Variants in CECR2 observed in about 807,000 individuals in gnomAD.
CECR2 encodes the protein chromatin remodeling regulator CECR2.
Under a neutral mutation model 154.5 loss-of-function variants are expected in CECR2, and 30 were observed. The observed-to-expected ratio is 0.19, with a 90% CI of 0.15 to 0.26. CECR2 has a LOEUF of 0.26. Among genes scored for constraint, CECR2 ranks in the 10% least tolerant of loss-of-function variants. CECR2 has a pLI of 1.00. For synonymous variants in CECR2, 725 were observed against 683.7 expected, an observed-to-expected ratio of 1.06 and a Z score of -0.94; for missense variants, 1,743 against 1,829.3, an observed-to-expected ratio of 0.95 and a Z score of 0.86.
In CECR2 at chr22:17,509,205, C is replaced by T. The variant is rs151194592; in HGVS notation, c.871-2608C>T. Among the ~76,000 whole-genome samples, 463 of 151,926 alleles carry T rather than the reference C, an allele frequency of 3.0e-3. 1 individual carries two copies. Among genetic ancestry groups the T allele is most frequent in the African/African-American group, 0.011 (445 of 41,432 alleles). The stretch of plus-strand genomic sequence containing the variant: ...GGCAGAGGTTGCAGTGAGATGAGAT[C>T]GCACCACTGCACTCCAGCCTGGGCG... On this transcript the variant is annotated intron_variant, in intron 7 of 18. Transcript: ENST00000262608.
At chr22:17,524,331 G>C (rs1176906134) in intron 9 of CECR2, 60 bp downstream of exon 9, 1 of 1,563,866 alleles carries the variant, frequency 6.4e-7, no homozygotes, top group Non-Finnish European at 8.7e-7. Context: ...CCGTCCTGTA[G>C]CCAGAGCCAA....
At chr22:17,498,252 G>A (rs773299976) in intron 3 of CECR2, among the ~76,000 whole-genome samples, 33 of 152,220 alleles carry the variant, frequency 2.2e-4, no homozygotes, top group Admixed American at 1.7e-3. Context: ...TTAGCCGGGC[G>A]TGGTGGCAGG....
intron 2 of CECR2, among the ~76,000 whole-genome samples, chr22:17,496,455 G>A (rs776426572): frequency 6.6e-6 from 1 of 151,100 alleles, no homozygotes; most frequent in Non-Finnish European, 1.5e-5. Flanking sequence ...AGCTGACATC[G>A]AGCCACTGCA....
At chr22:17,398,549 G>A (rs78905396) in intron 1 of CECR2, among the ~76,000 whole-genome samples, 3 of 152,222 alleles carry the variant, frequency 2.0e-5, no homozygotes, top group African/African-American at 4.8e-5. Flanking sequence ...GAAGAATGCA[G>A]ATTCTGGAGC....
intron 17 of CECR2, among the ~76,000 whole-genome samples, chr22:17,549,792 T>TG (rs917123670): frequency 2.7e-5 from 4 of 147,306 alleles, no homozygotes; most frequent in Admixed American, 1.4e-4. Context: ...TGGTTTTTTT[T>TG]TTTTTTTTTT....
intron 1 of CECR2, among the ~76,000 whole-genome samples, chr22:17,381,092 C>A (rs943250033): frequency 1.5e-5 from 1 of 64,802 alleles, no homozygotes; most frequent in Non-Finnish European, 2.8e-5. Flanking sequence ...CATTGTTGTA[C>A]ACGGGGGTGG....
intron 2 of CECR2, among the ~76,000 whole-genome samples, chr22:17,493,309 C>G (rs1289464645): frequency 6.6e-6 from 1 of 152,142 alleles, no homozygotes; most frequent in Admixed American, 6.6e-5. Context: ...AAAGTACATG[C>G]AAAATTGTGT....
At chr22:17,539,383 CTT>C (rs1450895043) in intron 13 of CECR2, among the ~76,000 whole-genome samples, 38 of 152,184 alleles carry the variant, frequency 2.5e-4, no homozygotes, top group Admixed American at 2.5e-3. Context: ...GTGTGTGCCT[CTT>C]TAACCACCGA....
chr22:17,398,984 C>T (rs1449189839), intron 1 of CECR2, among the ~76,000 whole-genome samples: 1 of 152,142 alleles, frequency 6.6e-6, no homozygotes, highest in Non-Finnish European at 1.5e-5. Context: ...ATGGTGAGCA[C>T]CTCCTGGGAA....
intron 1 of CECR2, among the ~76,000 whole-genome samples, chr22:17,450,755 G>T (rs2054756093): frequency 6.6e-6 from 1 of 152,134 alleles, no homozygotes. Flanking sequence ...ATCATAAATG[G>T]CATCTTTCAA....
At chr22:17,513,297 A>G (rs572978322) in intron 8 of CECR2, among the ~76,000 whole-genome samples, 1 of 152,360 alleles carries the variant, frequency 6.6e-6, no homozygotes, top group East Asian at 1.9e-4. Context: ...TAAACAGTTC[A>G]GTGATCGTAG....
At chr22:17,416,313 A>G (rs1291443769) in intron 1 of CECR2, among the ~76,000 whole-genome samples, 1 of 152,292 alleles carries the variant, frequency 6.6e-6, no homozygotes, top group East Asian at 1.9e-4. Context: ...AGTCAAGAAG[A>G]TGGAATATAT....
chr22:17,543,382 C>T (rs892751102), intron 16 of CECR2, among the ~76,000 whole-genome samples: 11 of 151,882 alleles, frequency 7.2e-5, no homozygotes, highest in Admixed American at 6.6e-5. Context: ...GACCTGCCCC[C>T]GTCGGCCTCC....
intron 1 of CECR2, among the ~76,000 whole-genome samples, chr22:17,438,709 G>A (rs559993973): frequency 8.6e-5 from 13 of 151,966 alleles, no homozygotes; most frequent in African/African-American, 3.1e-4. Context: ...TCTTCTTCAA[G>A]TGTGGGCCAG....
At chr22:17,421,927 G>C (rs1291516801) in intron 1 of CECR2, among the ~76,000 whole-genome samples, 1 of 142,406 alleles carries the variant, frequency 7.0e-6, no homozygotes, top group Non-Finnish European at 1.5e-5. Context: ...CTCAATTGTT[G>C]TTGCAGAAAG....
At chr22:17,433,904 A>G (rs1449918123) in intron 1 of CECR2, among the ~76,000 whole-genome samples, 1 of 152,186 alleles carries the variant, frequency 6.6e-6, no homozygotes, top group Non-Finnish European at 1.5e-5. Context: ...CTGTCATACT[A>G]AAATTTCATG....
chr22:17,382,891 C>A (rs1266902913), intron 1 of CECR2, among the ~76,000 whole-genome samples: 1 of 151,862 alleles, frequency 6.6e-6, no homozygotes, highest in Non-Finnish European at 1.5e-5. Context: ...AGCAGTGAGA[C>A]CTTGTCTCAA....
In CECR2 at chr22:17,525,308, A is replaced by G. The variant is rs1348143220; in HGVS notation, c.1108+1037A>G. On this transcript the variant is annotated intron_variant, in intron 9 of 18. Coordinates refer to ENST00000262608, the MANE Select transcript of CECR2 (RefSeq NM_001290047.2). ...CTCCAAAAAAAAAAAAAAAAAAAAA[A>G]AAAAAAAGAAAGGAAGGGAGGGAGG... 4.8e-5 allele frequency among the ~76,000 whole-genome samples: 7 copies of G among 144,332 alleles called. No homozygotes were observed. In the East Asian group the frequency reaches 8.1e-4, roughly 17 times the overall value. The allele number at this position is 144,332 out of a possible 152,430, so 94.7% of individuals were successfully genotyped here.
chr22:17,421,698 C>T (rs1007671096), intron 1 of CECR2, among the ~76,000 whole-genome samples: 1 of 145,276 alleles, frequency 6.9e-6, no homozygotes, highest in African/African-American at 2.6e-5. Context: ...GAGGCTGAGG[C>T]AGAAGAATTG....
Sources: gnomAD v4.1 joint callset for allele counts (sites outside exome capture counted in the v4.1 genomes callset) on GRCh38, gnomAD v4.1.1 for gene constraint, MANE v1.5 for transcripts, NCBI Gene and HGNC (gene_info 2026-07-23, HGNC 2026-07-21) for gene names.